The following ATP8B1 variants were observed in gnomAD, a reference collection of about 807,000 sequenced individuals.
The protein encoded by ATP8B1 is ATPase phospholipid transporting 8B1.
In ATP8B1, 80 loss-of-function variants were observed where a neutral mutation model predicts 149.9. That is an observed-to-expected ratio of 0.53 (90% CI 0.45 to 0.64). The LOEUF (loss-of-function observed/expected upper bound fraction) is 0.64. Among genes scored for constraint, ATP8B1 ranks in the 30% least tolerant of loss-of-function variants. The pLI is 0.00. For synonymous variants in ATP8B1, 536 were observed against 562.8 expected, an observed-to-expected ratio of 0.95 and a Z score of 0.67; for missense variants, 1,247 against 1,552.6, an observed-to-expected ratio of 0.80 and a Z score of 3.31.
chr18:57,729,558 T>C (rs1406631106), intron 2 of ATP8B1, among the ~76,000 whole-genome samples: 4 of 146,622 alleles, frequency 2.7e-5, no homozygotes, highest in Non-Finnish European at 1.5e-5. Flanking sequence ...TCTTTTTTTT[T>C]TTTTTTTTTG....
At chr18:57,654,692 C>G (rs1399304485) in intron 23 of ATP8B1, among the ~76,000 whole-genome samples, 4 of 118,008 alleles carry the variant, frequency 3.4e-5, no homozygotes, top group Non-Finnish European at 7.1e-5. Flanking sequence ...AGCAAATCCC[C>G]TCCTTTTTTT....
At chr18:57,726,495 A>T (rs557696037) in intron 2 of ATP8B1, among the ~76,000 whole-genome samples, 3 of 152,204 alleles carry the variant, frequency 2.0e-5, no homozygotes, top group Non-Finnish European at 4.4e-5. Flanking sequence ...ACCACTCTGT[A>T]TCTTCAGGGG....
intron 21 of ATP8B1, among the ~76,000 whole-genome samples, 166 bp downstream of exon 21, chr18:57,662,317 T>C (rs947223774): frequency 1.3e-5 from 2 of 152,242 alleles, no homozygotes; most frequent in African/African-American, 4.8e-5. Context: ...TATACATCCT[T>C]TCATATATCA....
intron 27 of ATP8B1, 128 bp from the exon 28 acceptor site, chr18:57,648,840 T>C: frequency 1.4e-6 from 1 of 728,180 alleles, no homozygotes; most frequent in Middle Eastern, 3.8e-4. Context: ...ATGCAGGCAG[T>C]TCTGTCCCCA....
At chr18:57,717,036 A>T (rs1025556632) in intron 2 of ATP8B1, among the ~76,000 whole-genome samples, 3 of 152,214 alleles carry the variant, frequency 2.0e-5, no homozygotes, top group African/African-American at 4.8e-5. Context: ...AAACTATACA[A>T]AAACATGGAA....
Position 57,648,419 on chromosome 18 carries a change from A to C in ATP8B1, c.*69T>G, listed in dbSNP as rs1224795447. 2 of 1,528,216 alleles carry C rather than the reference A, an allele frequency of 1.3e-6. No homozygotes were observed. Among genetic ancestry groups the C allele is most frequent in the Admixed American group, 1.7e-5 (1 of 59,836 alleles). 94.7% of individuals were successfully genotyped at this position (1,528,216 alleles called of 1,614,324 possible). ...TGAATGCAATTCACACACACACACA[A>C]AGTCCTGAGAGTCTTTCATAAAAAA... On this transcript the variant is annotated 3_prime_UTR_variant, in exon 28 of 28. Transcript: ENST00000648908.
intron 15 of ATP8B1, among the ~76,000 whole-genome samples, chr18:57,676,148 T>A (rs1388866779): frequency 6.6e-6 from 1 of 152,130 alleles, no homozygotes; most frequent in Non-Finnish European, 1.5e-5. Context: ...TAAAAAAGTA[T>A]GTTTTCTTTC....
intron 4 of ATP8B1, among the ~76,000 whole-genome samples, chr18:57,702,272 T>C (rs1367212627): frequency 1.3e-5 from 2 of 152,236 alleles, no homozygotes; most frequent in African/African-American, 4.8e-5. Flanking sequence ...GCAAGTTTAA[T>C]AAAGTTATTT....
chr18:57,675,082 T>C, intron 15 of ATP8B1, 60 bp from the exon 16 acceptor site: 3 of 1,561,522 alleles, frequency 1.9e-6, no homozygotes, highest in Admixed American at 1.8e-5. Context: ...GAGCTCATTG[T>C]TGAGGCCTCT....
chr18:57,714,603 A>G (rs892809724), intron 2 of ATP8B1, among the ~76,000 whole-genome samples: 3 of 115,122 alleles, frequency 2.6e-5, no homozygotes, highest in African/African-American at 7.9e-5. Context: ...GGGAAGGGGG[A>G]GAGAGAAAGA....
chr18:57,657,044 T>C (rs1445904491), intron 22 of ATP8B1, among the ~76,000 whole-genome samples: 1 of 152,160 alleles, frequency 6.6e-6, no homozygotes, highest in Non-Finnish European at 1.5e-5. Flanking sequence ...GTTTGTTACA[T>C]GGGTATACGT....
At position 57,706,482 on chromosome 18, in the gene ATP8B1, C is replaced by T; in HGVS notation, c.279+8G>A. ...TAATGAAAACAATTCAGAAAGTTAA[C>T]AACTCACCGCATATTTACTCTCCTT... On this transcript the variant is annotated splice_region_variant and intron_variant, in intron 3 of 27. Coordinates refer to ENST00000648908, the MANE Select transcript of ATP8B1 (RefSeq NM_001374385.1). 1 of 1,609,468 alleles carries T rather than the reference C, an allele frequency of 6.2e-7. No individual in the cohort carries two copies. The highest frequency in any genetic ancestry group is 8.5e-7 in the Non-Finnish European group (1 of 1,175,946).
intron 25 of ATP8B1, 129 bp from the exon 26 acceptor site, chr18:57,652,301 T>C: frequency 6.9e-7 from 1 of 1,451,410 alleles, no homozygotes; most frequent in East Asian, 2.4e-5. Context: ...GACCAGAAAC[T>C]AAACCATCCT....
chr18:57,661,654 TATATGTATGTGTGTATGTATATAC>T (rs1910422476), intron 21 of ATP8B1, among the ~76,000 whole-genome samples, 192 bp from the exon 22 acceptor site: 5 of 113,634 alleles, frequency 4.4e-5, no homozygotes, highest in Non-Finnish European at 1.0e-4. Context: ...CACGCACACA[TATATGTATGTGTGTATGTATATAC>T]ACACACACAC....
chr18:57,769,433 CCATT>C (rs1408343406), intron 1 of ATP8B1, among the ~76,000 whole-genome samples: 1 of 152,158 alleles, frequency 6.6e-6, no homozygotes, highest in Non-Finnish European at 1.5e-5. Context: ...GAATGGAAGA[CCATT>C]CATTCACCAA....
At chr18:57,734,684 T>C (rs2079828471) in intron 1 of ATP8B1, among the ~76,000 whole-genome samples, 1 of 152,172 alleles carries the variant, frequency 6.6e-6, no homozygotes, top group Non-Finnish European at 1.5e-5. Flanking sequence ...CCTATAGTCA[T>C]GGATGCAAAG....
At chr18:57,694,476 T>C (rs913659437) in intron 11 of ATP8B1, 106 bp downstream of exon 11, 4 of 791,858 alleles carry the variant, frequency 5.1e-6, no homozygotes, top group Non-Finnish European at 8.3e-6. Context: ...ATAATTTTTC[T>C]ATTCCACCTA....
chr18:57,780,231 A>G (rs972440972), intron 1 of ATP8B1, among the ~76,000 whole-genome samples: 2 of 152,234 alleles, frequency 1.3e-5, no homozygotes, highest in Non-Finnish European at 2.9e-5. Context: ...CACTTGAGTA[A>G]ATCCTTGAAA....
chr18:57,653,886 T>A (rs1223657586), intron 24 of ATP8B1, 106 bp downstream of exon 24: 3 of 1,039,710 alleles, frequency 2.9e-6, no homozygotes, highest in Admixed American at 3.9e-5. Context: ...TAGGGTTTGA[T>A]CAGAAAGAAG....
Sources: gnomAD v4.1 joint callset for allele counts (sites outside exome capture counted in the v4.1 genomes callset) on GRCh38, gnomAD v4.1.1 for gene constraint, MANE v1.5 for transcripts, NCBI Gene and HGNC (gene_info 2026-07-23, HGNC 2026-07-21) for gene names.